NDST4: variants seen among roughly 807,000 people sequenced by gnomAD.
The protein encoded by NDST4 is N-heparan sulfate sulfotransferase 4.
Under a neutral mutation model 100.8 loss-of-function variants are expected in NDST4, and 63 were observed. That is an observed-to-expected ratio of 0.62 (90% confidence interval 0.51 to 0.77). The LOEUF (loss-of-function observed/expected upper bound fraction) is 0.77, where lower values mean the gene tolerates loss of function less well. Among genes scored for constraint, NDST4 ranks in the 30% least tolerant of loss-of-function variants. NDST4 has a pLI of 0.00. For synonymous variants in NDST4, 377 were observed against 361.8 expected (o/e 1.04, Z -0.48); for missense variants, 943 against 1,018.4 (o/e 0.93, Z 1.01).
At chr4:114,895,302 T>C (rs1324284096) in intron 6 of NDST4, among the ~76,000 whole-genome samples, 1 of 152,024 alleles carries the variant, frequency 6.6e-6, no homozygotes, top group East Asian at 1.9e-4. Context: ...ATAAAGGGGA[T>C]ATCACCACTG....
At chr4:114,876,624 A>G (rs1231788795) in intron 6 of NDST4, among the ~76,000 whole-genome samples, 2 of 152,116 alleles carry the variant, frequency 1.3e-5, no homozygotes, top group Non-Finnish European at 2.9e-5. Context: ...AACCTGGTAA[A>G]TGTCAACATC....
intron 2 of NDST4, among the ~76,000 whole-genome samples, chr4:114,980,555 T>G (rs1726744324): frequency 6.6e-6 from 1 of 152,082 alleles, no homozygotes; most frequent in African/African-American, 2.4e-5. Context: ...GTCAGGAGAA[T>G]CACTTAAACC....
At chr4:115,038,146 T>G (rs1205722726) in intron 2 of NDST4, among the ~76,000 whole-genome samples, 1 of 152,176 alleles carries the variant, frequency 6.6e-6, no homozygotes, top group African/African-American at 2.4e-5. Flanking sequence ...CAAATGGGGT[T>G]TTCAATTATC....
chr4:115,023,207 C>T (rs891126682), intron 2 of NDST4, among the ~76,000 whole-genome samples: 6 of 152,040 alleles, frequency 3.9e-5, no homozygotes, highest in Non-Finnish European at 5.9e-5. Context: ...TCCTGTTGGC[C>T]GAGCGCAGTT....
At chr4:114,849,824 T>C (rs1238202280) in intron 8 of NDST4, among the ~76,000 whole-genome samples, 1 of 151,920 alleles carries the variant, frequency 6.6e-6, no homozygotes, top group Non-Finnish European at 1.5e-5. Context: ...TAAATTAGAG[T>C]CTTAAAGTTT....
At chr4:114,881,007 T>C (rs1724355305) in intron 6 of NDST4, among the ~76,000 whole-genome samples, 1 of 152,106 alleles carries the variant, frequency 6.6e-6, no homozygotes, top group African/African-American at 2.4e-5. Flanking sequence ...AACTAAAAGT[T>C]ATACAATGTG....
intron 4 of NDST4, among the ~76,000 whole-genome samples, chr4:114,969,802 G>A (rs1726468875): frequency 6.6e-6 from 1 of 152,146 alleles, no homozygotes; most frequent in Non-Finnish European, 1.5e-5. Context: ...TATGGTAGAA[G>A]CATTTATACT....
chr4:114,915,677 T>A lies in NDST4; in HGVS notation c.1536+19529A>T, dbSNP rs576290156. ...TCATTTTAAAATCCACCTCATTGGT[T>A]GTTAATTGAAATCTATCACTTTTAT... On this transcript the variant is annotated intron_variant, in intron 6 of 13. Transcript: ENST00000264363. Among the ~76,000 whole-genome samples the A allele has an allele frequency of 9.9e-5, 15 of 152,268 alleles. No homozygotes were observed. In the East Asian group the frequency reaches 2.1e-3, roughly 22 times the overall value.
intron 2 of NDST4, among the ~76,000 whole-genome samples, chr4:115,070,193 T>C (rs1226498363): frequency 6.6e-6 from 1 of 152,216 alleles, no homozygotes; most frequent in Non-Finnish European, 1.5e-5. Context: ...AATGGTAGGA[T>C]GGATATAGAA....
intron 4 of NDST4, among the ~76,000 whole-genome samples, chr4:114,939,917 CTT>C (rs1725712847): frequency 6.6e-6 from 1 of 152,144 alleles, no homozygotes; most frequent in Non-Finnish European, 1.5e-5. Flanking sequence ...CCTAGCAACT[CTT>C]TTGCTATTAT....
intron 2 of NDST4, among the ~76,000 whole-genome samples, chr4:115,018,408 T>C (rs1350395830): frequency 6.6e-6 from 1 of 151,950 alleles, no homozygotes; most frequent in Non-Finnish European, 1.5e-5. Flanking sequence ...ATGGAGCTGA[T>C]TTAAAAATTC....
chr4:114,889,285 A>AT (rs1553951591), intron 6 of NDST4, among the ~76,000 whole-genome samples: 1 of 152,156 alleles, frequency 6.6e-6, no homozygotes, highest in African/African-American at 2.4e-5. Context: ...ATTTTAGTGC[A>AT]TTTTACATTT....
chr4:114,855,629 C>G (rs921842557), intron 7 of NDST4, among the ~76,000 whole-genome samples: 1 of 152,164 alleles, frequency 6.6e-6, no homozygotes, highest in African/African-American at 2.4e-5. Flanking sequence ...TTTCATTGGT[C>G]TATGTGTCTA....
chr4:114,964,204 A>T (rs76787231), intron 4 of NDST4, among the ~76,000 whole-genome samples: 2,758 of 152,230 alleles, frequency 0.018, 88 homozygotes, highest in African/African-American at 0.061. Flanking sequence ...AGCTGGTGGG[A>T]AATTGAGGTC....
intron 2 of NDST4, among the ~76,000 whole-genome samples, chr4:114,983,045 C>A (rs1411940141): frequency 1.3e-5 from 2 of 152,116 alleles, no homozygotes; most frequent in Admixed American, 6.6e-5. Context: ...GATTTGGGAA[C>A]CTTCACCTGG....
intron 6 of NDST4, among the ~76,000 whole-genome samples, chr4:114,915,656 T>G (rs1344804844): frequency 6.6e-6 from 1 of 152,194 alleles, no homozygotes; most frequent in Non-Finnish European, 1.5e-5. Context: ...ACAAGTTCAT[T>G]TTAAAATCCA....
At chr4:114,932,685 T>C (rs576684132) in intron 6 of NDST4, among the ~76,000 whole-genome samples, 1 of 152,146 alleles carries the variant, frequency 6.6e-6, no homozygotes, top group South Asian at 2.1e-4. Context: ...GTAGTGTTTC[T>C]GTACACTGAC....
intron 1 of NDST4, among the ~76,000 whole-genome samples, chr4:115,084,508 C>G (rs185775729): frequency 1.3e-5 from 2 of 152,280 alleles, no homozygotes; most frequent in East Asian, 3.9e-4. Flanking sequence ...GTAGCCCCTC[C>G]CATCACAGGC....
intron 11 of NDST4, among the ~76,000 whole-genome samples, chr4:114,834,733 A>G (rs1280771669): frequency 6.6e-6 from 1 of 152,114 alleles, no homozygotes; most frequent in East Asian, 1.9e-4. Context: ...GCTGTGAAGC[A>G]GTCTGATCCT....
Sources: gnomAD v4.1 joint callset for allele counts (sites outside exome capture counted in the v4.1 genomes callset) on GRCh38, gnomAD v4.1.1 for gene constraint, MANE v1.5 for transcripts, NCBI Gene and HGNC (gene_info 2026-07-23, HGNC 2026-07-21) for gene names.